The following USP31 variants were observed in gnomAD, a reference collection of about 807,000 sequenced individuals.
USP31 encodes the protein ubiquitin carboxyl-terminal hydrolase 31.
USP31 carries 44 observed loss-of-function variants against 119.4 expected under a neutral mutation model. That is an observed-to-expected ratio of 0.37 (90% CI 0.29 to 0.47). The LOEUF (loss-of-function observed/expected upper bound fraction) is 0.47. USP31 is among the 20% of genes least tolerant of loss of function. USP31 has a pLI of 0.99. For synonymous variants in USP31, 749 were observed against 705.6 expected (o/e 1.06, Z -0.97); for missense variants, 1,643 against 1,730.2 (o/e 0.95, Z 0.89).
In USP31 at chr16:23,069,547, G is replaced by C. The variant is rs769167405; in HGVS notation, c.2558C>G (p.Thr853Ser). The C allele has an allele frequency of 4.5e-5, 72 of 1,613,992 alleles. No individual in the cohort carries two copies. The Admixed American group carries it at 1.2e-3, about 27-fold the overall frequency. Residue 853 changes from threonine to serine, a missense_variant, in exon 16 of 16, where the codon ACC (threonine) becomes AGC (serine). Coordinates refer to ENST00000219689, the MANE Select transcript of USP31 (RefSeq NM_020718.4). Reference sequence around the variant, plus strand: ...ATTTTCATTGACGGCCAAGGGGCTGGTGACAGAAGATCTGGATGACAAACT... The same window carrying C: ...ATTTTCATTGACGGCCAAGGGGCTGCTGACAGAAGATCTGGATGACAAACT... ...RQSLSSRSSV[T>S]SPLAVNENCM...
intron 1 of USP31, among the ~76,000 whole-genome samples, chr16:23,143,568 A>G (rs887026817): frequency 1.4e-5 from 2 of 145,088 alleles, no homozygotes; most frequent in Admixed American, 1.4e-4. Flanking sequence ...GAGAAGGAGA[A>G]AGAGAGAGGG....
intron 1 of USP31, among the ~76,000 whole-genome samples, chr16:23,114,037 G>A (rs1446856611): frequency 6.6e-6 from 1 of 151,976 alleles, no homozygotes; most frequent in Non-Finnish European, 1.5e-5. Flanking sequence ...CCTGGGAGGT[G>A]GAGATTGCAG....
At chr16:23,074,745 G>T (rs1395599405) in intron 13 of USP31, among the ~76,000 whole-genome samples, 1 of 152,182 alleles carries the variant, frequency 6.6e-6, no homozygotes, top group African/African-American at 2.4e-5. Flanking sequence ...TTCTAAGCCT[G>T]AGCTAGAAAT....
intron 6 of USP31, among the ~76,000 whole-genome samples, chr16:23,099,791 G>A (rs1193910890): frequency 3.3e-5 from 5 of 152,246 alleles, no homozygotes; most frequent in Admixed American, 6.5e-5. Flanking sequence ...TCTGATAAGG[G>A]TCTAGTATTC....
At position 23,140,721 on chromosome 16, in the gene USP31, T is replaced by C. The variant is rs903618768; in HGVS notation, c.633+7917A>G. Among the ~76,000 whole-genome samples, 5 of 152,168 alleles carry C rather than the reference T, an allele frequency of 3.3e-5. 1 individual carries two copies. The highest frequency in any genetic ancestry group is 7.4e-5 in the Non-Finnish European group (5 of 68,020). ...CTGCCTACTAGACATCTCCTGAGTG[T>C]ACTATTTAACATATCTGAACCTGAA... On this transcript the variant is annotated intron_variant, in intron 1 of 15. Coordinates refer to ENST00000219689, the MANE Select transcript of USP31 (RefSeq NM_020718.4).
intron 1 of USP31, among the ~76,000 whole-genome samples, chr16:23,114,676 G>C (rs747524207): frequency 3.9e-5 from 6 of 152,136 alleles, no homozygotes; most frequent in Non-Finnish European, 8.8e-5. Flanking sequence ...TGTGTTCTAA[G>C]GCAGAGTGCC....
intron 7 of USP31, 84 bp downstream of exon 7, chr16:23,090,540 C>G: frequency 2.2e-6 from 3 of 1,350,616 alleles, no homozygotes; most frequent in Non-Finnish European, 2.9e-6. Context: ...AAAGTAAGAA[C>G]TTTTTGCCCA....
At position 23,073,819 on chromosome 16, in the gene USP31, C is replaced by G. The variant is rs755712033; in HGVS notation, c.2238G>C (p.Gln746His). 6.2e-7 allele frequency: 1 copy of G among 1,614,036 alleles called. No individual in the cohort carries two copies. Residue 746 changes from glutamine (Q) to histidine (H), a missense_variant, in exon 14 of 16, where the codon CAG (glutamine) becomes CAC (histidine). Around this residue, in one of 5 missense-constraint regions of USP31, gnomAD observed 279 missense variants for 372.2 expected, o/e 0.75. Coordinates refer to ENST00000219689, the MANE Select transcript of USP31 (RefSeq NM_020718.4). The stretch of plus-strand genomic sequence containing the variant: ...GCGTGCAGACCTCATCTTCTGACAG[C>G]TGCTGCACATCGCTGTCATCGAAGC... ...WYCFDDSDVQ[Q>H]LSEDEVCTQT...
At position 23,116,114 on chromosome 16, in the gene USP31, C is replaced by A. The variant is rs898159759; in HGVS notation, c.634-7931G>T. ...GCTCCTCTTTTGGGAAGAAGGGTAGCTTGCAAGACTCATCAAACCCAATCA... is the reference window on the plus strand; with the variant it reads ...GCTCCTCTTTTGGGAAGAAGGGTAGATTGCAAGACTCATCAAACCCAATCA... On this transcript the variant is annotated intron_variant, in intron 1 of 15. Coordinates refer to ENST00000219689, the MANE Select transcript of USP31 (RefSeq NM_020718.4). Among the ~76,000 whole-genome samples the A allele has an allele frequency of 2.0e-5, 3 of 152,170 alleles. No homozygotes were observed. The East Asian group carries it at 5.8e-4, about 29-fold the overall frequency.
At chr16:23,117,357 G>C (rs1007300966) in intron 1 of USP31, among the ~76,000 whole-genome samples, 5 of 152,230 alleles carry the variant, frequency 3.3e-5, no homozygotes, top group African/African-American at 1.2e-4. Flanking sequence ...CAAAGAGCTG[G>C]TGGCAAGGAT....
chr16:23,074,269 A>G lies in USP31; in HGVS notation c.2177-389T>C, dbSNP rs1900470066. Among the ~76,000 whole-genome samples the G allele has an allele frequency of 3.3e-5, 5 of 152,254 alleles. No individual in the cohort carries two copies. In the South Asian group the frequency reaches 1.0e-3, roughly 32 times the overall value. On this transcript the variant is annotated intron_variant, in intron 13 of 15. Transcript: ENST00000219689. ...GTGGGTAGAGGCCACGGATGCTGCTAAACATTCTATAATGCACAGGACAGC... is the reference window on the plus strand; with the variant it reads ...GTGGGTAGAGGCCACGGATGCTGCTGAACATTCTATAATGCACAGGACAGC...
chr16:23,114,923 CA>C (rs2141882616), intron 1 of USP31, among the ~76,000 whole-genome samples: 1 of 152,258 alleles, frequency 6.6e-6, no homozygotes, highest in African/African-American at 2.4e-5. Flanking sequence ...ACTCCCCAGA[CA>C]AAACAAAACA....
chr16:23,136,239 C>T (rs2141899968), intron 1 of USP31, among the ~76,000 whole-genome samples: 1 of 152,286 alleles, frequency 6.6e-6, no homozygotes, highest in Non-Finnish European at 1.5e-5. Flanking sequence ...AGAACTAAAA[C>T]TATAAAACTC....
intron 1 of USP31, among the ~76,000 whole-genome samples, chr16:23,124,792 G>A (rs553620414): frequency 6.6e-6 from 1 of 152,320 alleles, no homozygotes; most frequent in East Asian, 1.9e-4. Flanking sequence ...GGGAGGCTGA[G>A]GCAGGAGAAT....
In USP31 at chr16:23,105,982, G is replaced by T. The variant is rs115658851; in HGVS notation, c.953+231C>A. The stretch of plus-strand genomic sequence containing the variant: ...CCGTCCCCCAACCCCGATACTATGT[G>T]TGGATGACGAACTGGGCCAGACTAC... On this transcript the variant is annotated intron_variant, in intron 4 of 15. Transcript: ENST00000219689. Among the ~76,000 whole-genome samples the T allele has an allele frequency of 4.0e-3, 604 of 152,270 alleles. 7 individuals carry two copies. The highest frequency in any genetic ancestry group is 0.013 in the African/African-American group (550 of 41,540).
At chr16:23,085,827 C>T (rs1173084028) in intron 9 of USP31, among the ~76,000 whole-genome samples, 165 bp from the exon 10 acceptor site, 1 of 152,160 alleles carries the variant, frequency 6.6e-6, no homozygotes, top group African/African-American at 2.4e-5. Context: ...ACCACTATAA[C>T]CACTGATTTA....
chr16:23,101,970 T>C (rs1313357380), intron 6 of USP31, among the ~76,000 whole-genome samples: 1 of 85,530 alleles, frequency 1.2e-5, no homozygotes, highest in Non-Finnish European at 2.3e-5. Flanking sequence ...TAGCAAAATT[T>C]AAAAAAAAAA....
intron 1 of USP31, among the ~76,000 whole-genome samples, chr16:23,127,688 C>A (rs1902906859): frequency 6.7e-6 from 1 of 149,898 alleles, no homozygotes; most frequent in Non-Finnish European, 1.5e-5. Flanking sequence ...CCATCTTGGC[C>A]AGGCTGGTCT....
chr16:23,085,353 T>C (rs1056732689), intron 10 of USP31, among the ~76,000 whole-genome samples: 1 of 152,200 alleles, frequency 6.6e-6, no homozygotes, highest in African/African-American at 2.4e-5. Flanking sequence ...CTAATGAGTA[T>C]ACAGCTTCTC....
Sources: allele counts gnomAD v4.1 joint callset (sites outside exome capture counted in the v4.1 genomes callset), GRCh38; gene constraint gnomAD v4.1.1; regional missense constraint gnomAD v4.1.1; transcripts MANE v1.5; gene names NCBI Gene and HGNC (gene_info 2026-07-23, HGNC 2026-07-21).